TANC1: variants seen among roughly 807,000 people sequenced by gnomAD.
The protein encoded by TANC1 is tetratricopeptide repeat, ankyrin repeat and coiled-coil containing 1.
TANC1 carries 77 observed loss-of-function variants against 149.7 expected under a neutral mutation model. That is an observed-to-expected ratio of 0.51 (90% CI 0.43 to 0.62). TANC1 has a LOEUF of 0.62. TANC1 is among the 20% of genes least tolerant of loss of function. The pLI, the probability that TANC1 is intolerant of heterozygous loss-of-function variation, is 0.00. For synonymous variants in TANC1, 854 were observed against 925.0 expected (o/e 0.92, Z 1.39); for missense variants, 1,985 against 2,321.8 (o/e 0.85, Z 2.98).
At chr2:159,182,819 T>C (rs2056622503) in intron 14 of TANC1, among the ~76,000 whole-genome samples, 1 of 142,938 alleles carries the variant, frequency 7.0e-6, no homozygotes, top group Admixed American at 6.8e-5. Context: ...ATTTTTAAGA[T>C]CCATCAGTTT....
In TANC1 at chr2:159,227,814, C is replaced by T. The variant is rs764005321; in HGVS notation, c.3904-5C>T. On this transcript the variant is annotated splice_region_variant and splice_polypyrimidine_tract_variant and intron_variant, in intron 24 of 26. Coordinates refer to ENST00000263635, the MANE Select transcript of TANC1 (RefSeq NM_033394.3). ...GGACAAATGTTTGTGATTTTTGAAT[C>T]CTAGAAAGGGAAAATGAAAGAGGCA... is the stretch of plus-strand genomic sequence containing the variant. 5.6e-6 allele frequency: 9 copies of T among 1,612,660 alleles called. No homozygotes were observed. The South Asian group carries it at 8.8e-5, about 16-fold the overall frequency.
At chr2:159,082,480 C>T (rs913596775) in intron 3 of TANC1, among the ~76,000 whole-genome samples, 3 of 151,926 alleles carry the variant, frequency 2.0e-5, no homozygotes, top group African/African-American at 7.3e-5. Flanking sequence ...TTTTGGCTTG[C>T]TTTTCTGCTC....
intron 2 of TANC1, among the ~76,000 whole-genome samples, chr2:159,035,258 T>G (rs999826917): frequency 6.6e-6 from 1 of 152,314 alleles, no homozygotes; most frequent in Middle Eastern, 3.4e-3. Flanking sequence ...AAAAAGCTAT[T>G]GATGGGCATT....
intron 3 of TANC1, among the ~76,000 whole-genome samples, chr2:159,067,786 C>G (rs1002806423): frequency 1.3e-5 from 2 of 152,196 alleles, no homozygotes; most frequent in Non-Finnish European, 2.9e-5. Flanking sequence ...TTCTTCAAAA[C>G]AGGCCTACCA....
Position 159,169,263 on chromosome 2 carries a change from C to T in TANC1, c.960C>T (p.Thr320=). Residue 320 remains threonine, a synonymous_variant, in exon 9 of 27, where the codon ACC becomes ACT. Transcript: ENST00000263635. ...TTAATATTACAGCAACAAGCTCAACCAAATTGGAAGATCTGAGTTATTTAG... is the reference window on the plus strand; with the variant it reads ...TTAATATTACAGCAACAAGCTCAACTAAATTGGAAGATCTGAGTTATTTAG... ...RPNSVAATSS[T]KLEDLSYLDG... The T allele has an allele frequency of 6.2e-7, 1 of 1,613,474 alleles. No homozygotes were observed. The highest frequency in any genetic ancestry group is 8.5e-7 in the Non-Finnish European group (1 of 1,179,566).
intron 4 of TANC1, among the ~76,000 whole-genome samples, chr2:159,117,487 C>T (rs564786764): frequency 6.6e-6 from 1 of 152,088 alleles, no homozygotes; most frequent in Non-Finnish European, 1.5e-5. Flanking sequence ...GCTCCGCCTC[C>T]TGGGTTCACG....
intron 2 of TANC1, among the ~76,000 whole-genome samples, chr2:159,041,427 C>T (rs905899304): frequency 2.6e-5 from 4 of 152,180 alleles, no homozygotes; most frequent in Non-Finnish European, 5.9e-5. Context: ...CCTTGAGCTG[C>T]GGTGGACTCC....
chr2:159,187,431 C>T (rs1340598684), intron 16 of TANC1, among the ~76,000 whole-genome samples: 5 of 152,168 alleles, frequency 3.3e-5, no homozygotes, highest in Non-Finnish European at 5.9e-5. Flanking sequence ...GAGATAAGTA[C>T]ACAGAAAAAC....
chr2:159,068,823 T>G (rs1402786711), intron 3 of TANC1, among the ~76,000 whole-genome samples: 1 of 152,166 alleles, frequency 6.6e-6, no homozygotes, highest in Non-Finnish European at 1.5e-5. Flanking sequence ...CACTGCAACC[T>G]CCGCCTCCTG....
intron 4 of TANC1, among the ~76,000 whole-genome samples, chr2:159,131,955 C>G (rs2050154037): frequency 6.6e-6 from 1 of 152,206 alleles, no homozygotes; most frequent in Admixed American, 6.5e-5. Flanking sequence ...CCTCTGCAGC[C>G]AGCGTCCATG....
chr2:159,041,483 C>T (rs561348455), intron 2 of TANC1, among the ~76,000 whole-genome samples: 31 of 152,342 alleles, frequency 2.0e-4, no homozygotes, highest in African/African-American at 7.5e-4. Context: ...ACTCAAGCCT[C>T]AGCAATGGTG....
rs2055120838 is a variant in TANC1 at position 159,170,814 on chromosome 2, A to G, written c.1351+9A>G. 2.5e-6 allele frequency: 4 copies of G among 1,610,126 alleles called. No individual in the cohort carries two copies. The highest frequency in any genetic ancestry group is 1.1e-5 in the South Asian group (1 of 90,986). Reference sequence around the variant, plus strand: ...GGGTTCATCACCTAAAAGTACGTGCATGTTTAATTACTTGTCTAGTTTATT... The same window carrying G: ...GGGTTCATCACCTAAAAGTACGTGCGTGTTTAATTACTTGTCTAGTTTATT... On this transcript the variant is annotated intron_variant, in intron 10 of 26. Transcript: ENST00000263635.
chr2:159,231,125 G>C lies in TANC1; in HGVS notation c.*113G>C. On this transcript the variant is annotated 3_prime_UTR_variant, in exon 27 of 27. Coordinates refer to ENST00000263635, the MANE Select transcript of TANC1 (RefSeq NM_033394.3). ...TTTTTTAGCCATTTTTTTTCTTTGG[G>C]GTGGATCTGATGCCATTGATATATC... 2 of 843,706 alleles carry C rather than the reference G, an allele frequency of 2.4e-6. No individual in the cohort carries two copies. Among genetic ancestry groups the C allele is most frequent in the Non-Finnish European group, 3.6e-6 (2 of 550,030 alleles). 52.3% of individuals were successfully genotyped at this position (843,706 alleles called of 1,614,324 possible).
At chr2:158,979,714 T>G (rs549239607) in intron 1 of TANC1, among the ~76,000 whole-genome samples, 1 of 152,260 alleles carries the variant, frequency 6.6e-6, no homozygotes, top group African/African-American at 2.4e-5. Flanking sequence ...TTGAAATATC[T>G]TAAGGTAGTT....
At chr2:159,229,477 G>C (rs996476797) in intron 26 of TANC1, 101 bp from the exon 27 acceptor site, 4 of 1,038,526 alleles carry the variant, frequency 3.9e-6, no homozygotes, top group Non-Finnish European at 5.6e-6. Flanking sequence ...AAACTCACTT[G>C]CTACCTTCTC....
rs777527187 is a variant in TANC1, at chr2:159,172,212, G to T, written c.1443G>T (p.Gly481=). The T allele has an allele frequency of 1.2e-6, 2 of 1,614,138 alleles. No individual in the cohort carries two copies. Among genetic ancestry groups the T allele is most frequent in the East Asian group, 2.2e-5 (1 of 44,882 alleles). ...CCAGCACAGCTAAAACACCTCTTGG[G>T]TCTATCAGTGCTGAAAACCAGAGAC... The part of the protein sequence containing the change: ...SASSTAKTPL[G]SISAENQRPR... Residue 481 remains glycine (G), a synonymous_variant, in exon 11 of 27, where the codon GGG becomes GGT. Coordinates refer to ENST00000263635, the MANE Select transcript of TANC1 (RefSeq NM_033394.3).
At chr2:159,129,055 T>C (rs2049797275) in intron 4 of TANC1, among the ~76,000 whole-genome samples, 1 of 152,132 alleles carries the variant, frequency 6.6e-6, no homozygotes, top group East Asian at 1.9e-4. Flanking sequence ...AAGTTCAGGA[T>C]GCAAAAAAAT....
intron 7 of TANC1, among the ~76,000 whole-genome samples, chr2:159,156,910 G>T (rs1238769703): frequency 1.3e-5 from 2 of 152,228 alleles, no homozygotes; most frequent in African/African-American, 2.4e-5. Context: ...TCCTTTAGGT[G>T]TTTCCTTAGT....
chr2:159,112,554 C>G (rs1440882784), intron 4 of TANC1, among the ~76,000 whole-genome samples: 1 of 103,578 alleles, frequency 9.7e-6, no homozygotes, highest in Non-Finnish European at 2.1e-5. Flanking sequence ...CTGCACCCAG[C>G]CTTTTTTTTT....
Sources: allele counts gnomAD v4.1 joint callset (sites outside exome capture counted in the v4.1 genomes callset), GRCh38; gene constraint gnomAD v4.1.1; transcripts MANE v1.5; gene names NCBI Gene and HGNC (gene_info 2026-07-23, HGNC 2026-07-21).